The following LAMA1 variants were observed in gnomAD, a reference collection of about 807,000 sequenced individuals.
The protein encoded by LAMA1 is laminin subunit alpha-1.
In LAMA1, 219 loss-of-function variants were observed where a neutral mutation model predicts 348.7. The ratio of observed to expected loss-of-function variants is 0.63; its 90% CI spans 0.56 to 0.70. LAMA1 has a LOEUF of 0.70. LAMA1 is among the 30% of genes least tolerant of loss of function. LAMA1 has a pLI of 0.00. For synonymous variants in LAMA1, 1,487 were observed against 1,491.0 expected, an observed-to-expected ratio of 1.00 and a Z score of 0.06; for missense variants, 3,744 against 3,888.0, an observed-to-expected ratio of 0.96 and a Z score of 0.99.
intron 26 of LAMA1, among the ~76,000 whole-genome samples, 167 bp from the exon 27 acceptor site, chr18:7,009,533 G>A (rs116447725): frequency 1.3e-5 from 2 of 152,074 alleles, no homozygotes; most frequent in Non-Finnish European, 2.9e-5. Flanking sequence ...ATGGACAGGC[G>A]CAGTGTCAGT....
At chr18:7,115,231 T>C (rs2058350860) in intron 1 of LAMA1, among the ~76,000 whole-genome samples, 1 of 152,222 alleles carries the variant, frequency 6.6e-6, no homozygotes. Flanking sequence ...CTATGTCATA[T>C]ATGAGAATGA....
intron 3 of LAMA1, among the ~76,000 whole-genome samples, chr18:7,075,561 T>G (rs2058164095): frequency 6.6e-6 from 1 of 151,586 alleles, no homozygotes; most frequent in Non-Finnish European, 1.5e-5. Context: ...AGGCGGAGGT[T>G]GCAGTGAGCC....
At chr18:7,014,187 T>C (rs1204196369) in intron 22 of LAMA1, 136 bp from the exon 23 acceptor site, 7 of 767,856 alleles carry the variant, frequency 9.1e-6, no homozygotes, top group African/African-American at 8.6e-5. Flanking sequence ...TATTGCTGCA[T>C]GGATTCACGT....
chr18:7,011,178 T>G, intron 25 of LAMA1, 122 bp downstream of exon 25: 2 of 1,130,634 alleles, frequency 1.8e-6, no homozygotes, highest in South Asian at 2.7e-5. Context: ...TGATCCCACT[T>G]AAAAGAGGAA....
intron 1 of LAMA1, among the ~76,000 whole-genome samples, chr18:7,101,413 CAAGAGAGAAGTCTGAATACCCAAA>C (rs1298499471): frequency 6.6e-6 from 1 of 152,124 alleles, no homozygotes; most frequent in Non-Finnish European, 1.5e-5. Flanking sequence ...GGCCAATCAC[CAAGAGAGAAGTCTGAATACCCAAA>C]AAGACAGAAA....
At chr18:7,009,863 G>A (rs755546344) in intron 26 of LAMA1, among the ~76,000 whole-genome samples, 11 of 152,164 alleles carry the variant, frequency 7.2e-5, no homozygotes, top group Non-Finnish European at 1.5e-4. Flanking sequence ...CTGGAGTACA[G>A]TGGCACAATC....
At chr18:7,101,940 A>C (rs976922094) in intron 1 of LAMA1, among the ~76,000 whole-genome samples, 12 of 151,858 alleles carry the variant, frequency 7.9e-5, no homozygotes, top group African/African-American at 1.9e-4. Context: ...CAGCCTCTCA[A>C]AGTGCTGAGA....
At chr18:7,029,366 A>G (rs561371154) in intron 16 of LAMA1, among the ~76,000 whole-genome samples, 5 of 152,328 alleles carry the variant, frequency 3.3e-5, no homozygotes, top group Non-Finnish European at 5.9e-5. Context: ...TTAATTCAAG[A>G]TGCAACTGGT....
Position 7,023,245 on chromosome 18 carries a change from G to A in LAMA1, c.2620C>T (p.Leu874=). 2 of 1,614,002 alleles carry A rather than the reference G, an allele frequency of 1.2e-6. No individual in the cohort carries two copies. Among genetic ancestry groups the A allele is most frequent in the South Asian group, 2.2e-5 (2 of 91,052 alleles). ...CAGTGGGCGCCATCTGTGTTCCCCA[G>A]GCACTTCAGGCACTCCCCGGTGACT... ...DSVTGECLKC[L]GNTDGAHCER... Residue 874 remains leucine (L), a synonymous_variant, in exon 19 of 63, where the codon CTG becomes TTG. Transcript: ENST00000389658.
Position 7,011,384 on chromosome 18 carries a change from G to A in LAMA1, c.3603C>T (p.Phe1201=), listed in dbSNP as rs1320777787. The change falls in exon 25 of 63, where the codon TTC becomes TTT. Residue 1201 remains phenylalanine, a synonymous_variant. Transcript: ENST00000389658. ...TEGVYYQAPD[F]LLDAATVRQH... is the part of the protein sequence containing the mutation. ...GCCGGACGGTGGCGGCATCCAGCAG[G>A]AAGTCGGGGGCCTGGTAGTAAACCC... The A allele has an allele frequency of 6.2e-7, 1 of 1,611,118 alleles. No homozygotes were observed. The highest frequency in any genetic ancestry group is 1.3e-5 in the African/African-American group (1 of 75,026).
In LAMA1 at chr18:6,958,648, T is replaced by A. The variant is rs779056010; in HGVS notation, c.7793A>T (p.Gln2598Leu). 1.2e-6 allele frequency: 2 copies of A among 1,613,866 alleles called. No homozygotes were observed. The highest frequency in any genetic ancestry group is 2.2e-5 in the South Asian group (2 of 91,080). The change falls in exon 55 of 63, where the codon CAA (glutamine) becomes CTA (leucine). Residue 2598 changes from glutamine to leucine, a missense_variant. Coordinates refer to ENST00000389658, the MANE Select transcript of LAMA1 (RefSeq NM_005559.4). ...LVRNRRIITV[Q>L]LDENNPVEMK... Reference sequence around the variant, plus strand: ...TTCCACAGGATTGTTCTCATCCAATTGGACAGTGATAATTCTAAAAGACCA... The same window carrying A: ...TTCCACAGGATTGTTCTCATCCAATAGGACAGTGATAATTCTAAAAGACCA...
At chr18:7,021,839 ATAT>A (rs1275951193) in intron 19 of LAMA1, among the ~76,000 whole-genome samples, 4 of 58,934 alleles carry the variant, frequency 6.8e-5, no homozygotes, top group Non-Finnish European at 6.4e-5. Context: ...ATATAATAAT[ATAT>A]TATATTATAT....
chr18:7,061,910 T>C (rs932151073), intron 3 of LAMA1, among the ~76,000 whole-genome samples: 1 of 152,078 alleles, frequency 6.6e-6, no homozygotes, highest in African/African-American at 2.4e-5. Flanking sequence ...GAGCACACTG[T>C]GCCCTGGGGG....
At chr18:6,952,597 G>A (rs995708686) in intron 57 of LAMA1, among the ~76,000 whole-genome samples, 1 of 152,208 alleles carries the variant, frequency 6.6e-6, no homozygotes, top group African/African-American at 2.4e-5. Flanking sequence ...GTTACCTGCA[G>A]TCAACTGAGG....
At chr18:7,025,889 C>T (rs2057940437) in intron 17 of LAMA1, 90 bp downstream of exon 17, 2 of 1,515,908 alleles carry the variant, frequency 1.3e-6, no homozygotes, top group East Asian at 2.4e-5. Flanking sequence ...ACGTATTACA[C>T]ACACAGTCTT....
At chr18:7,056,008 A>T (rs1336934167) in intron 3 of LAMA1, among the ~76,000 whole-genome samples, 1 of 151,658 alleles carries the variant, frequency 6.6e-6, no homozygotes, top group Non-Finnish European at 1.5e-5. Context: ...TGAACCCGGG[A>T]GGCAGAGCTT....
rs1234784306 is a variant in LAMA1 at position 7,011,489 on chromosome 18, G to A, written c.3508-10C>T. 4 of 1,592,726 alleles carry A rather than the reference G, an allele frequency of 2.5e-6. No homozygotes were observed. The highest frequency in any genetic ancestry group is 2.6e-6 in the Non-Finnish European group (3 of 1,169,766). ...CGGAGCCCAGCGTTACCTAAACCAC[G>A]AAAGGAGGGGAAAGTGCACTTCAAA... On this transcript the variant is annotated splice_polypyrimidine_tract_variant and intron_variant, in intron 24 of 62. Coordinates refer to ENST00000389658, the MANE Select transcript of LAMA1 (RefSeq NM_005559.4).
At position 7,011,315 on chromosome 18, in the gene LAMA1, C is replaced by T. The variant is rs1209957242; in HGVS notation, c.3672G>A (p.Gln1224=). The change falls in exon 25 of 63, where the codon CAG becomes CAA. Residue 1224 remains glutamine (Q), a synonymous_variant. Coordinates refer to ENST00000389658, the MANE Select transcript of LAMA1 (RefSeq NM_005559.4). ...TGCACCTCACCTGGTCTCCTTGGAA[C>T]TGCTGCGGCAGCCGCCAGTAAAACG... ...AEPFYWRLPQ[Q]FQGDQLMAYG... 1.9e-6 allele frequency: 3 copies of T among 1,609,898 alleles called. No individual in the cohort carries two copies. In the South Asian group the frequency reaches 3.3e-5, roughly 18 times the overall value.
intron 16 of LAMA1, among the ~76,000 whole-genome samples, chr18:7,027,403 G>A (rs1324928298): frequency 2.6e-5 from 4 of 152,074 alleles, no homozygotes; most frequent in African/African-American, 7.2e-5. Context: ...GCAACAACAC[G>A]GGAGTCTAGA....
Sources: allele counts gnomAD v4.1 joint callset (sites outside exome capture counted in the v4.1 genomes callset), GRCh38; gene constraint gnomAD v4.1.1; transcripts MANE v1.5; gene names NCBI Gene and HGNC (gene_info 2026-07-23, HGNC 2026-07-21).